CAND1: variants seen among roughly 807,000 people sequenced by gnomAD.
The protein encoded by CAND1 is cullin-associated NEDD8-dissociated protein 1.
Under a neutral mutation model 108.5 loss-of-function variants are expected in CAND1, and 7 were observed. The ratio of observed to expected loss-of-function variants is 0.06; its 90% CI spans 0.04 to 0.12. CAND1 has a LOEUF of 0.12. Ranked by LOEUF, CAND1 falls within the 10% of genes least tolerant of loss-of-function variation. The probability of loss-of-function intolerance (pLI) is 1.00; values close to 1 mark genes in which losing one functional copy is unlikely to be tolerated. For missense variants in CAND1, 941 were observed against 1,448.7 expected, an observed-to-expected ratio of 0.65 and a Z score of 5.69; for synonymous variants, 534 against 512.0, an observed-to-expected ratio of 1.04 and a Z score of -0.58.
chr12:67,278,953 G>C (rs7955089), intron 1 of CAND1, among the ~76,000 whole-genome samples: 27 of 152,324 alleles, frequency 1.8e-4, no homozygotes, highest in African/African-American at 6.5e-4. Context: ...CTCCAAGACA[G>C]CAAGAATTGT....
chr12:67,302,515 A>G lies in CAND1; in HGVS notation c.1193A>G (p.Tyr398Cys). Residue 398 changes from tyrosine to cysteine, a missense_variant, in exon 8 of 15, where the codon TAC becomes TGC. By Grantham distance (194) the Tyr-to-Cys change is radical. Transcript: ENST00000545606. ...GTAAAGGCAGATGTTTTTCACGCAT[A>G]CCTTTCTCTTTTGAAGCAAACTCGT... is the stretch of plus-strand genomic sequence containing the variant. The part of the protein sequence containing the change: ...ENVKADVFHA[Y>C]LSLLKQTRPV... 1 of 1,614,110 alleles carries G rather than the reference A, an allele frequency of 6.2e-7. No individual in the cohort carries two copies. The highest frequency in any genetic ancestry group is 8.5e-7 in the Non-Finnish European group (1 of 1,179,962).
At position 67,314,883 on chromosome 12, in the gene CAND1, A is replaced by G. The variant is rs2044992673; in HGVS notation, c.*2053A>G. ...ATATGCATACATTAACAAAATTAGTAACAGCAGTGCTTAGAATTTCAATGC... is the reference window on the plus strand; with the variant it reads ...ATATGCATACATTAACAAAATTAGTGACAGCAGTGCTTAGAATTTCAATGC... On this transcript the variant is annotated 3_prime_UTR_variant, in exon 15 of 15. Transcript: ENST00000545606. 6.6e-6 allele frequency: 1 copy of G among 152,348 alleles called. No homozygotes were observed. The highest frequency in any genetic ancestry group is 2.4e-5 in the African/African-American group (1 of 41,584). 9.4% of individuals were successfully genotyped at this position (152,348 alleles called of 1,614,324 possible).
chr12:67,274,415 A>G (rs1187090130), intron 1 of CAND1, among the ~76,000 whole-genome samples: 2 of 152,352 alleles, frequency 1.3e-5, no homozygotes, highest in Admixed American at 6.5e-5. Context: ...AATGTAAAGC[A>G]CACGATACAA....
intron 2 of CAND1, among the ~76,000 whole-genome samples, chr12:67,287,192 A>G (rs997610159): frequency 6.6e-6 from 1 of 152,188 alleles, no homozygotes; most frequent in African/African-American, 2.4e-5. Flanking sequence ...CCCAATTGTA[A>G]CAATCAGAAA....
At chr12:67,307,093 A>C (rs2044894826) in intron 10 of CAND1, among the ~76,000 whole-genome samples, 1 of 152,136 alleles carries the variant, frequency 6.6e-6, no homozygotes, top group Admixed American at 6.6e-5. Flanking sequence ...AAATTTGAAG[A>C]TTTTTAAGCG....
chr12:67,310,732 TG>T (rs937845390), intron 13 of CAND1: 1 of 154,384 alleles, frequency 6.5e-6, no homozygotes, highest in African/African-American at 2.4e-5. Context: ...GAGCTACCTT[TG>T]GGGCTAGTCT....
rs745433334 is a variant in CAND1 at position 67,295,025 on chromosome 12, T to C, written c.368-8T>C. The C allele has an allele frequency of 8.7e-6, 14 of 1,606,626 alleles. 1 individual carries two copies. The South Asian group carries it at 1.3e-4, about 15-fold the overall frequency. On this transcript the variant is annotated splice_region_variant and splice_polypyrimidine_tract_variant and intron_variant, in intron 3 of 14. Coordinates refer to ENST00000545606, the MANE Select transcript of CAND1 (RefSeq NM_018448.5). ...CTTGAAATTATTATTGGCTTCTTAT[T>C]CATGCAGGCTCTGCATTAGCTGCTA...
At position 67,287,722 on chromosome 12, in the gene CAND1, T is replaced by C. The variant is rs146540801; in HGVS notation, c.213-4900T>C. Among the ~76,000 whole-genome samples the C allele has an allele frequency of 7.9e-5, 12 of 152,112 alleles. No homozygotes were observed. In the East Asian group the frequency reaches 2.3e-3, roughly 29 times the overall value. On this transcript the variant is annotated intron_variant, in intron 2 of 14. Coordinates refer to ENST00000545606, the MANE Select transcript of CAND1 (RefSeq NM_018448.5). ...GTTTCATTGATTTTTTCTGTGATTA[T>C]TGCTTTCCTAATGGGTTTCTTTCTA...
chr12:67,302,314 T>C lies in CAND1; in HGVS notation c.1001-9T>C. 6.2e-7 allele frequency: 1 copy of C among 1,605,648 alleles called. No homozygotes were observed. The highest frequency in any genetic ancestry group is 2.2e-5 in the East Asian group (1 of 44,722). ...TTAATAGCCTGTTTACATTAAAACT[T>C]ACCCTTAGGGAGTGATGATGAATAC... On this transcript the variant is annotated splice_polypyrimidine_tract_variant and intron_variant, in intron 7 of 14. Transcript: ENST00000545606.
chr12:67,302,447 C>T lies in CAND1; in HGVS notation c.1125C>T (p.Val375=), dbSNP rs2044835022. The T allele has an allele frequency of 6.2e-7, 1 of 1,614,122 alleles. No individual in the cohort carries two copies. Among genetic ancestry groups the T allele is most frequent in the Middle Eastern group, 1.6e-4 (1 of 6,062 alleles). ...TGCTTCCAGAATTCTACAAGACCGT[C>T]TCTCCTGCACTAATATCCAGATTTA... ...HEMLPEFYKT[V]SPALISRFKE... Residue 375 remains valine (V), a synonymous_variant, in exon 8 of 15, where the codon GTC becomes GTT. Transcript: ENST00000545606.
chr12:67,312,801 A>G lies in CAND1; in HGVS notation c.3664A>G (p.Thr1222Ala), dbSNP rs555038919. 4 of 1,612,820 alleles carry G rather than the reference A, an allele frequency of 2.5e-6. No individual in the cohort carries two copies. Among genetic ancestry groups the G allele is most frequent in the East Asian group, 2.2e-5 (1 of 44,874 alleles). ...FESIQKDSSS[T>A]NLESMDTS ...AAGTATCCAGAAAGATTCATCATCT[A>G]CTAACTTGGAATCAATGGACACTAG... is the stretch of plus-strand genomic sequence containing the variant. The change falls in exon 15 of 15, where the codon ACT (threonine) becomes GCT (alanine). Residue 1222 changes from threonine (T) to alanine (A), a missense_variant. Thr to Ala is a moderately conservative substitution (Grantham distance 58, BLOSUM62 0). Around this residue, in one of 9 missense-constraint regions of CAND1, gnomAD observed 39 missense variants for 51.3 expected, o/e 0.76. Coordinates refer to ENST00000545606, the MANE Select transcript of CAND1 (RefSeq NM_018448.5).
intron 9 of CAND1, 122 bp from the exon 10 acceptor site, chr12:67,304,982 T>A: frequency 1.1e-6 from 1 of 944,070 alleles, no homozygotes; most frequent in Non-Finnish European, 1.5e-6. Context: ...ATGGTGAAAA[T>A]TTCTACTTAT....
chr12:67,297,597 A>T lies in CAND1; in HGVS notation c.682A>T (p.Met228Leu). ...GTCAGAGTTGTCCAAAAATGATTCT[A>T]TGTCAACAACAAGAACCTACATACA... ...LLSELSKNDS[M>L]STTRTYIQCI... Residue 228 changes from methionine to leucine, a missense_variant, in exon 5 of 15, where the codon ATG (methionine) becomes TTG (leucine). Physicochemically the swap from Met to Leu is conservative, Grantham distance 15. This residue lies in a region of CAND1 where 697 missense variants were observed against 942.0 expected (regional missense o/e 0.74). Transcript: ENST00000545606. The T allele has an allele frequency of 6.2e-7, 1 of 1,614,082 alleles. No individual in the cohort carries two copies. Among genetic ancestry groups the T allele is most frequent in the Non-Finnish European group, 8.5e-7 (1 of 1,179,966 alleles).
rs2044625395 is a variant in CAND1 at position 67,282,132 on chromosome 12, A to C, written c.212+79A>C. 5 of 1,397,898 alleles carry C rather than the reference A, an allele frequency of 3.6e-6. No homozygotes were observed. In the South Asian group the frequency reaches 4.9e-5, roughly 14 times the overall value. 86.6% of individuals were successfully genotyped at this position (1,397,898 alleles called of 1,614,324 possible). Reference sequence around the variant, plus strand: ...TTAAAAACTCTATGATAAGTAGTAAATTATCTTAGCCTTGTACTATCTCTT... The same window carrying C: ...TTAAAAACTCTATGATAAGTAGTAACTTATCTTAGCCTTGTACTATCTCTT... On this transcript the variant is annotated intron_variant, in intron 2 of 14. Transcript: ENST00000545606.
chr12:67,282,144 T>C, intron 2 of CAND1, 91 bp downstream of exon 2: 1 of 1,294,158 alleles, frequency 7.7e-7, no homozygotes, highest in Non-Finnish European at 1.1e-6. Flanking sequence ...TATCTTAGCC[T>C]TGTACTATCT....
At chr12:67,285,329 A>T (rs562269945) in intron 2 of CAND1, among the ~76,000 whole-genome samples, 1 of 152,366 alleles carries the variant, frequency 6.6e-6, no homozygotes, top group South Asian at 2.1e-4. Context: ...GGATAACTCC[A>T]CATCATAAAG....
intron 11 of CAND1, 128 bp from the exon 12 acceptor site, chr12:67,309,773 C>T (rs1403255263): frequency 1.1e-5 from 7 of 635,650 alleles, no homozygotes; most frequent in Non-Finnish European, 7.9e-6. Flanking sequence ...CAGGTTCTTC[C>T]CTGACCGTCA....
At chr12:67,279,122 T>C (rs2044596702) in intron 1 of CAND1, among the ~76,000 whole-genome samples, 1 of 151,018 alleles carries the variant, frequency 6.6e-6, no homozygotes, top group South Asian at 2.1e-4. Context: ...CTCCACATAC[T>C]GAACTGTTTC....
chr12:67,290,634 C>A (rs1391819270), intron 2 of CAND1, among the ~76,000 whole-genome samples: 1 of 152,036 alleles, frequency 6.6e-6, no homozygotes, highest in Non-Finnish European at 1.5e-5. Context: ...GTAGTGAATG[C>A]CTTCATTTCA....
Sources: allele counts gnomAD v4.1 joint callset (sites outside exome capture counted in the v4.1 genomes callset), GRCh38; gene constraint gnomAD v4.1.1; regional missense constraint gnomAD v4.1.1; transcripts MANE v1.5; gene names NCBI Gene and HGNC (gene_info 2026-07-23, HGNC 2026-07-21).